The following MPP4 variants were observed in gnomAD, a reference collection of about 807,000 sequenced individuals.
MPP4 encodes MAGUK p55 scaffold protein 4.
A neutral mutation model predicts 98.3 loss-of-function variants in MPP4; 91 were observed. The observed-to-expected ratio is 0.93, with a 90% CI of 0.78 to 1.10. The LOEUF (loss-of-function observed/expected upper bound fraction) is 1.10. Ranked by LOEUF, MPP4 falls within the 50% of genes least tolerant of loss-of-function variation. The probability of loss-of-function intolerance (pLI) is 0.00; values close to 1 mark genes in which losing one functional copy is unlikely to be tolerated. For missense variants in MPP4, 744 were observed against 792.9 expected (o/e 0.94, Z 0.74); for synonymous variants, 261 against 271.8 (o/e 0.96, Z 0.39).
At chr2:201,669,104 G>T (rs1688264980) in intron 12 of MPP4, among the ~76,000 whole-genome samples, 1 of 78,852 alleles carries the variant, frequency 1.3e-5, no homozygotes, top group East Asian at 3.7e-4. Context: ...GTGTGTGTGT[G>T]TGTGTGTGTG....
intron 13 of MPP4, among the ~76,000 whole-genome samples, chr2:201,664,621 A>G (rs759206904): frequency 2.0e-5 from 3 of 152,210 alleles, no homozygotes; most frequent in Non-Finnish European, 4.4e-5. Flanking sequence ...CGCATTAGTT[A>G]AAACAACTCT....
intron 5 of MPP4, 29 bp from the exon 6 acceptor site, chr2:201,686,079 A>T: frequency 6.2e-7 from 1 of 1,606,474 alleles, no homozygotes; most frequent in Non-Finnish European, 8.5e-7. Flanking sequence ...AAGGTGAGCA[A>T]ATGTCACACA....
Position 201,654,920 on chromosome 2 carries a change from A to C in MPP4, c.1301-3T>G. On this transcript the variant is annotated splice_region_variant and splice_polypyrimidine_tract_variant and intron_variant, in intron 17 of 21. Coordinates refer to ENST00000409474, the MANE Select transcript of MPP4 (RefSeq NM_033066.3). Reference sequence around the variant, plus strand: ...ATTTACTCCAACACCAGAGGGTCCTAAACACAAAAAGTCACACACAGAAAT... The same window carrying C: ...ATTTACTCCAACACCAGAGGGTCCTCAACACAAAAAGTCACACACAGAAAT... 6.3e-7 allele frequency: 1 copy of C among 1,588,462 alleles called. No individual in the cohort carries two copies. The highest frequency in any genetic ancestry group is 8.6e-7 in the Non-Finnish European group (1 of 1,165,902).
At chr2:201,680,122 C>T (rs1020147676) in intron 10 of MPP4, 1 of 152,308 alleles carries the variant, frequency 6.6e-6, no homozygotes, top group East Asian at 1.9e-4. Context: ...TCTATTTGCA[C>T]GCCCTCCCTT....
chr2:201,656,416 A>C, intron 16 of MPP4, 48 bp from the exon 17 acceptor site: 57 of 1,483,722 alleles, frequency 3.8e-5, no homozygotes, highest in Non-Finnish European at 5.0e-5. Context: ...AGGAGAGATC[A>C]CTTGTAGCTT....
chr2:201,662,061 A>C (rs1002138586), intron 14 of MPP4: 2 of 393,218 alleles, frequency 5.1e-6, no homozygotes, highest in Non-Finnish European at 9.8e-6. Flanking sequence ...AGTGGTTCAC[A>C]ACTCATCTGT....
chr2:201,672,066 C>A (rs1282862195), intron 11 of MPP4, among the ~76,000 whole-genome samples: 1 of 152,158 alleles, frequency 6.6e-6, no homozygotes, highest in Non-Finnish European at 1.5e-5. Context: ...ACAGTGCAAT[C>A]AAATTAGAAC....
chr2:201,687,449 A>G, intron 4 of MPP4, 78 bp from the exon 5 acceptor site: 6 of 1,036,104 alleles, frequency 5.8e-6, no homozygotes, highest in Non-Finnish European at 7.2e-6. Context: ...AGGCTGGATA[A>G]CATACATACT....
chr2:201,645,318 G>C lies in MPP4; in HGVS notation c.1806C>G (p.Asp602Glu), dbSNP rs367956727. 1 of 1,613,978 alleles carries C rather than the reference G, an allele frequency of 6.2e-7. No individual in the cohort carries two copies. Among genetic ancestry groups the C allele is most frequent in the Non-Finnish European group, 8.5e-7 (1 of 1,179,880 alleles). Residue 602 changes from aspartate to glutamate, a missense_variant, in exon 22 of 22, where the codon GAC (aspartate) becomes GAG (glutamate). Transcript: ENST00000409474. ...ACTGGGCACATGCATCGTGCAAGCT[G>C]TCATTCACAATCACATGATCAAAAA... ...GQFFDHVIVN[D>E]SLHDACAQLL... is the part of the protein sequence containing the mutation.
At chr2:201,654,449 A>C (rs1443312403) in intron 18 of MPP4, among the ~76,000 whole-genome samples, 2 of 152,226 alleles carry the variant, frequency 1.3e-5, no homozygotes, top group African/African-American at 4.8e-5. Flanking sequence ...AGAAATAGAA[A>C]AAAGCCATTT....
chr2:201,680,443 A>G (rs1381330830), intron 10 of MPP4: 4 of 156,310 alleles, frequency 2.6e-5, no homozygotes, highest in African/African-American at 7.2e-5. Context: ...GGCCTCTTTT[A>G]TAAGGGCACT....
intron 17 of MPP4, 91 bp downstream of exon 17, chr2:201,656,106 TC>T: frequency 7.3e-7 from 1 of 1,376,500 alleles, no homozygotes; most frequent in Non-Finnish European, 9.7e-7. Context: ...CATAAAGAGT[TC>T]TACTTTCACC....
chr2:201,692,318 C>T (rs537596523), intron 3 of MPP4, among the ~76,000 whole-genome samples: 9 of 152,018 alleles, frequency 5.9e-5, no homozygotes, highest in African/African-American at 1.9e-4. Context: ...CTGAGCCGGA[C>T]GGATCACCTG....
chr2:201,656,281 T>C lies in MPP4; in HGVS notation c.1217A>G (p.Tyr406Cys). 6.3e-7 allele frequency: 1 copy of C among 1,589,222 alleles called. No homozygotes were observed. The highest frequency in any genetic ancestry group is 8.6e-7 in the Non-Finnish European group (1 of 1,167,540). Residue 406 changes from tyrosine to cysteine, a missense_variant, in exon 17 of 22, where the codon TAC becomes TGC. Tyr to Cys is a radical substitution (Grantham distance 194). Coordinates refer to ENST00000409474, the MANE Select transcript of MPP4 (RefSeq NM_033066.3). The part of the protein sequence containing the change: ...HASVCCTGSC[Y>C]SAVGAPYEEV... The stretch of plus-strand genomic sequence containing the variant: ...CTCGTAAGGGGCACCCACTGCACTG[T>C]AGCAGCTGCCGGTGCAGCACACACT...
intron 18 of MPP4, chr2:201,650,656 G>A: frequency 3.0e-6 from 3 of 985,260 alleles, no homozygotes; most frequent in Non-Finnish European, 2.4e-6. Flanking sequence ...CTGATGAAAA[G>A]CGAAGTTGAA....
chr2:201,659,215 ATT>A (rs10719317), intron 15 of MPP4, among the ~76,000 whole-genome samples: 3 of 151,678 alleles, frequency 2.0e-5, no homozygotes, highest in Admixed American at 6.6e-5. Flanking sequence ...TGTGTTTATA[ATT>A]TTTTTTTTCT....
chr2:201,694,478 G>A (rs1689121722), intron 1 of MPP4, among the ~76,000 whole-genome samples: 1 of 151,676 alleles, frequency 6.6e-6, no homozygotes, highest in Non-Finnish European at 1.5e-5. Flanking sequence ...AGAATTATGG[G>A]TTATTACTGA....
chr2:201,692,777 T>C, intron 3 of MPP4, 131 bp downstream of exon 3: 3 of 1,353,022 alleles, frequency 2.2e-6, no homozygotes, highest in Admixed American at 2.6e-5. Flanking sequence ...CCTACAGAAC[T>C]GTGAGATATC....
chr2:201,697,778 A>G (rs1368351969), intron 1 of MPP4, among the ~76,000 whole-genome samples: 1 of 152,238 alleles, frequency 6.6e-6, no homozygotes, highest in Non-Finnish European at 1.5e-5. Context: ...CTTAGAGATA[A>G]TCAAATGCAA....
Sources: gnomAD v4.1 joint callset for allele counts (sites outside exome capture counted in the v4.1 genomes callset) on GRCh38, gnomAD v4.1.1 for gene constraint, MANE v1.5 for transcripts, NCBI Gene and HGNC (gene_info 2026-07-23, HGNC 2026-07-21) for gene names.